Variants in SEMA6D observed in about 807,000 individuals in gnomAD.
SEMA6D encodes the protein semaphorin 6D.
A neutral mutation model predicts 106.6 loss-of-function variants in SEMA6D; 35 were observed. The ratio of observed to expected loss-of-function variants is 0.33; its 90% CI spans 0.25 to 0.44. SEMA6D has a LOEUF of 0.44. Ranked by LOEUF, SEMA6D falls within the 20% of genes least tolerant of loss-of-function variation. SEMA6D has a pLI of 1.00. For synonymous variants in SEMA6D, 499 were observed against 487.7 expected, an observed-to-expected ratio of 1.02 and a Z score of -0.31; for missense variants, 1,185 against 1,345.9, an observed-to-expected ratio of 0.88 and a Z score of 1.87.
intron 1 of SEMA6D, among the ~76,000 whole-genome samples, chr15:47,271,792 AT>A (rs768288504): frequency 4.1e-4 from 63 of 152,338 alleles, no homozygotes; most frequent in Admixed American, 9.2e-4. Context: ...ACTGGTGGTT[AT>A]CAGTCCAGTG....
At chr15:47,285,015 C>T (rs887832060) in intron 1 of SEMA6D, among the ~76,000 whole-genome samples, 3 of 152,170 alleles carry the variant, frequency 2.0e-5, no homozygotes, top group Admixed American at 2.0e-4. Flanking sequence ...CTCCATGACT[C>T]CTAGTGTGAT....
intron 3 of SEMA6D, among the ~76,000 whole-genome samples, chr15:47,474,614 T>C (rs2042951410): frequency 6.6e-6 from 1 of 152,226 alleles, no homozygotes; most frequent in South Asian, 2.1e-4. Flanking sequence ...TAGTAGGTAC[T>C]GACTTATTAA....
At position 47,228,165 on chromosome 15, in the gene SEMA6D, T is replaced by C. The variant is rs370523310; in HGVS notation, c.-239+43747T>C. Among the ~76,000 whole-genome samples, 292 of 75,094 alleles carry C rather than the reference T, an allele frequency of 3.9e-3. 1 individual carries two copies. The highest frequency in any genetic ancestry group is 9.1e-3 in the African/African-American group (136 of 14,954). 49.3% of individuals were successfully genotyped at this position (75,094 alleles called of 152,430 possible). A position where few individuals can be genotyped will look rare whatever the true frequency, so the allele number is the denominator to read the frequency against. On this transcript the variant is annotated intron_variant, in intron 1 of 19. Coordinates refer to the SEMA6D transcript ENST00000558014. ...ACACACACACACACACACACACACATATATATATAACCTTTTGTTACTTTA... is the reference window on the plus strand; with the variant it reads ...ACACACACACACACACACACACACACATATATATAACCTTTTGTTACTTTA...
chr15:47,558,299 G>T (rs760520206), intron 3 of SEMA6D, among the ~76,000 whole-genome samples: 3 of 152,002 alleles, frequency 2.0e-5, no homozygotes, highest in African/African-American at 7.2e-5. Flanking sequence ...TATGTCAATT[G>T]TATACCAAGA....
chr15:47,407,406 C>CAAAAAAAAAAAAAAAAAA (rs1231097214), intron 1 of SEMA6D, among the ~76,000 whole-genome samples: 4 of 105,794 alleles, frequency 3.8e-5, no homozygotes, highest in Non-Finnish European at 7.8e-5. Context: ...ACAACAACAA[C>CAAAAAAAAAAAAAAAAAA]AACAAAAAAA....
At chr15:47,751,049 G>A (rs1469156014) in intron 1 of SEMA6D, among the ~76,000 whole-genome samples, 1 of 152,180 alleles carries the variant, frequency 6.6e-6, no homozygotes, top group Admixed American at 6.5e-5. Context: ...CCTGGAATCT[G>A]TATATATAGT....
At chr15:47,275,926 A>G (rs1257743264) in intron 1 of SEMA6D, among the ~76,000 whole-genome samples, 1 of 152,018 alleles carries the variant, frequency 6.6e-6, no homozygotes, top group Non-Finnish European at 1.5e-5. Context: ...TAAAAGTTCT[A>G]CTCCATTGAA....
At chr15:47,510,808 T>C (rs2044204500) in intron 3 of SEMA6D, among the ~76,000 whole-genome samples, 2 of 152,058 alleles carry the variant, frequency 1.3e-5, no homozygotes. Context: ...TGATGATGCT[T>C]TTCCTTGAAC....
At chr15:47,463,733 T>G (rs1245855669) in intron 2 of SEMA6D, among the ~76,000 whole-genome samples, 2 of 152,184 alleles carry the variant, frequency 1.3e-5, no homozygotes, top group Non-Finnish European at 2.9e-5. Flanking sequence ...TAGTTGGTGG[T>G]TTAAAACATA....
At chr15:47,756,703 C>A (rs901197160) in intron 1 of SEMA6D, among the ~76,000 whole-genome samples, 1 of 152,040 alleles carries the variant, frequency 6.6e-6, no homozygotes, top group African/African-American at 2.4e-5. Flanking sequence ...ATTTCACTGA[C>A]CCCTGGACTC....
chr15:47,425,480 T>C (rs2041301159), intron 2 of SEMA6D, among the ~76,000 whole-genome samples: 1 of 152,048 alleles, frequency 6.6e-6, no homozygotes, highest in African/African-American at 2.4e-5. Context: ...GAATCCTATG[T>C]TTGATCCATG....
intron 1 of SEMA6D, among the ~76,000 whole-genome samples, chr15:47,325,840 T>G (rs1396741508): frequency 1.3e-5 from 2 of 152,188 alleles, no homozygotes; most frequent in Non-Finnish European, 2.9e-5. Flanking sequence ...GGGCAACTTC[T>G]GGAGTTAAAA....
intron 3 of SEMA6D, among the ~76,000 whole-genome samples, chr15:47,511,888 T>TAA (rs1168578788): frequency 6.6e-6 from 1 of 152,126 alleles, no homozygotes. Context: ...GTGCACTGCA[T>TAA]CGTTTAGGAT....
chr15:47,277,387 C>A (rs2034868837), intron 1 of SEMA6D, among the ~76,000 whole-genome samples: 1 of 151,826 alleles, frequency 6.6e-6, no homozygotes, highest in South Asian at 2.1e-4. Flanking sequence ...CAGCAAACTT[C>A]ATTGTTGTCT....
At chr15:47,282,894 C>A (rs1041253985) in intron 1 of SEMA6D, among the ~76,000 whole-genome samples, 44 of 152,140 alleles carry the variant, frequency 2.9e-4, no homozygotes, top group Admixed American at 2.0e-3. Context: ...TTTATGTGAC[C>A]TATTTCCCAA....
At position 47,730,241 on chromosome 15, in the gene SEMA6D, C is replaced by T. The variant is rs995704843; in HGVS notation, c.-55+12549C>T. ...CAGGACGTTGCCGCCCCAGTGACGGCGGATCTCATCGTATCTGTCGTTGTA... is the reference window on the plus strand; with the variant it reads ...CAGGACGTTGCCGCCCCAGTGACGGTGGATCTCATCGTATCTGTCGTTGTA... On this transcript the variant is annotated intron_variant, in intron 1 of 18. Transcript: ENST00000536845. 4.4e-5 allele frequency: 68 copies of T among 1,534,700 alleles called. No homozygotes were observed. The East Asian group carries it at 1.1e-3, about 25-fold the overall frequency.
intron 3 of SEMA6D, among the ~76,000 whole-genome samples, chr15:47,515,586 T>A (rs74011493): frequency 0.081 from 12,290 of 152,198 alleles, 1,320 homozygotes; most frequent in African/African-American, 0.25. Context: ...CAGTAGGATT[T>A]TTTTTCCCTC....
chr15:47,361,128 C>T (rs1248879983), intron 1 of SEMA6D, among the ~76,000 whole-genome samples: 1 of 152,216 alleles, frequency 6.6e-6, no homozygotes, highest in Non-Finnish European at 1.5e-5. Context: ...TCTCTTCCTT[C>T]TTCCTTTCTT....
chr15:47,728,886 G>C (rs553211739), intron 1 of SEMA6D, among the ~76,000 whole-genome samples: 13 of 152,276 alleles, frequency 8.5e-5, no homozygotes, highest in African/African-American at 3.1e-4. Flanking sequence ...GACCCTTGTG[G>C]TTAGCTTCGG....
Sources: allele counts gnomAD v4.1 joint callset (sites outside exome capture counted in the v4.1 genomes callset), GRCh38; gene constraint gnomAD v4.1.1; transcripts MANE v1.5; gene names NCBI Gene and HGNC (gene_info 2026-07-23, HGNC 2026-07-21).